Variants in SMARCB1 observed in about 807,000 individuals in gnomAD.
SMARCB1 encodes the protein SWI/SNF related BAF chromatin remodeling complex subunit B1.
A neutral mutation model predicts 49.0 loss-of-function variants in SMARCB1; 5 were observed. That is an observed-to-expected ratio of 0.10 (90% CI 0.05 to 0.21). SMARCB1 has a LOEUF of 0.21. Among genes scored for constraint, SMARCB1 ranks in the 10% least tolerant of loss-of-function variants. The pLI is 1.00. For missense variants in SMARCB1, 226 were observed against 509.2 expected (o/e 0.44, Z 5.35); for synonymous variants, 201 against 200.1 (o/e 1.00, Z -0.04).
At chr22:23,820,377 C>G (rs1033807614) in intron 6 of SMARCB1, among the ~76,000 whole-genome samples, 9 of 152,162 alleles carry the variant, frequency 5.9e-5, no homozygotes, top group Non-Finnish European at 1.0e-4. Context: ...GAGTTAGAGA[C>G]TACCTGACCA....
intron 3 of SMARCB1, among the ~76,000 whole-genome samples, chr22:23,799,046 T>C (rs1399546824): frequency 7.2e-6 from 1 of 138,990 alleles, no homozygotes; most frequent in African/African-American, 2.7e-5. Flanking sequence ...CGAGACTCCA[T>C]CTCAAAAAAA....
rs1020086224 is a variant in SMARCB1, at chr22:23,835,900, A to G, written c.*1720A>G. The G allele has an allele frequency of 4.1e-6, 4 of 985,394 alleles. No homozygotes were observed. Among genetic ancestry groups the G allele is most frequent in the Admixed American group, 1.2e-4 (2 of 16,274 alleles). The allele number at this position is 985,394 out of a possible 1,614,324, so 61.0% of individuals were successfully genotyped here. A position where few individuals can be genotyped will look rare whatever the true frequency, so the allele number is the denominator to read the frequency against. ...CGCCAGCTCACACCGCCGCAAAGCC[A>G]TCTCCACAAGGTCTGGCTACAACAC... On this transcript the variant is annotated 3_prime_UTR_variant, in exon 9 of 9. Transcript: ENST00000644036.
chr22:23,816,756 T>G lies in SMARCB1; in HGVS notation c.629-14T>G. The G allele has an allele frequency of 6.2e-7, 1 of 1,612,320 alleles. No individual in the cohort carries two copies. The highest frequency in any genetic ancestry group is 8.5e-7 in the Non-Finnish European group (1 of 1,179,144). ...GTGCAATCTCTTGGCATCCCTTCCCTCTCCTGATTTCAGAGAAGTTGATGA... is the reference window on the plus strand; with the variant it reads ...GTGCAATCTCTTGGCATCCCTTCCCGCTCCTGATTTCAGAGAAGTTGATGA... On this transcript the variant is annotated splice_polypyrimidine_tract_variant and intron_variant, in intron 5 of 8. Transcript: ENST00000644036.
intron 5 of SMARCB1, among the ~76,000 whole-genome samples, chr22:23,812,575 A>G (rs1279033305): frequency 6.6e-6 from 1 of 152,232 alleles, no homozygotes; most frequent in African/African-American, 2.4e-5. Flanking sequence ...CAAAATCCTT[A>G]GCAAAATATT....
In SMARCB1 at chr22:23,837,497, A is replaced by G; in HGVS notation, c.*3317A>G. The stretch of plus-strand genomic sequence containing the variant: ...CAAATTATGTGGGCCGGCTGGCTTG[A>G]GGGGCTGTAAGAGCACAGCAGCTGG... On this transcript the variant is annotated 3_prime_UTR_variant, in exon 9 of 9. Transcript: ENST00000644036. The G allele has an allele frequency of 1.3e-6, 1 of 759,692 alleles. No individual in the cohort carries two copies. Among genetic ancestry groups the G allele is most frequent in the Non-Finnish European group, 2.1e-6 (1 of 476,268 alleles). The allele number at this position is 759,692 out of a possible 1,614,324, so 47.1% of individuals were successfully genotyped here.
chr22:23,829,412 C>G (rs1189858910), intron 7 of SMARCB1, among the ~76,000 whole-genome samples: 1 of 152,194 alleles, frequency 6.6e-6, no homozygotes, highest in African/African-American at 2.4e-5. Flanking sequence ...GGCAGGGTAT[C>G]TGCCCCAGGG....
Position 23,825,827 on chromosome 22 carries a change from A to C in SMARCB1, c.986+412A>C, listed in dbSNP as rs192195678. 6 of 192,558 alleles carry C rather than the reference A, an allele frequency of 3.1e-5. No homozygotes were observed. In the East Asian group the frequency reaches 7.6e-4, roughly 25 times the overall value. The allele number at this position is 192,558 out of a possible 1,614,324, so 11.9% of individuals were successfully genotyped here. On this transcript the variant is annotated intron_variant, in intron 7 of 8. Transcript: ENST00000644036. ...GTTGAACTTGAATTATGTCTTAAAC[A>C]CAAAGGCCCGCCCAGCTTTTGAGAG... is the stretch of plus-strand genomic sequence containing the variant.
intron 6 of SMARCB1, 56 bp from the exon 7 acceptor site, chr22:23,825,169 C>T (rs573456379): frequency 5.9e-6 from 9 of 1,522,276 alleles, no homozygotes; most frequent in South Asian, 3.4e-5. Context: ...CCCCGCTCCT[C>T]GCGGCCTCCC....
intron 5 of SMARCB1, among the ~76,000 whole-genome samples, chr22:23,808,477 C>T (rs1272111483): frequency 1.3e-5 from 2 of 151,790 alleles, no homozygotes; most frequent in African/African-American, 2.4e-5. Flanking sequence ...AGGATGGTCT[C>T]GATCTCCTGA....
chr22:23,809,890 G>A (rs1929757115), intron 5 of SMARCB1, among the ~76,000 whole-genome samples: 1 of 152,114 alleles, frequency 6.6e-6, no homozygotes, highest in South Asian at 2.1e-4. Flanking sequence ...AAAACTAAGT[G>A]CTGGGCGGGG....
chr22:23,812,328 A>G (rs530444673), intron 5 of SMARCB1, among the ~76,000 whole-genome samples: 3 of 152,150 alleles, frequency 2.0e-5, no homozygotes, highest in Non-Finnish European at 4.4e-5. Flanking sequence ...TTAAAAAAGG[A>G]AAACAATTCT....
intron 8 of SMARCB1, 47 bp downstream of exon 8, chr22:23,833,750 T>C: frequency 6.2e-7 from 1 of 1,610,460 alleles, no homozygotes; most frequent in East Asian, 2.2e-5. Context: ...GGCACCTGGC[T>C]TTCCAGGCAG....
In SMARCB1 at chr22:23,809,320, A is replaced by G. The variant is rs1407810929; in HGVS notation, c.628+5898A>G. Among the ~76,000 whole-genome samples the G allele has an allele frequency of 8.4e-5, 12 of 142,076 alleles. No individual in the cohort carries two copies. In the East Asian group the frequency reaches 1.0e-3, roughly 12 times the overall value. The allele number at this position is 142,076 out of a possible 152,430, so 93.2% of individuals were successfully genotyped here. A position where few individuals can be genotyped will look rare whatever the true frequency, so the allele number is the denominator to read the frequency against. ...GACGGAGTTTCTGCTCTTGTTGCCCAGGCTGGAGTGCAATGGCACAGTCTC... is the reference window on the plus strand; with the variant it reads ...GACGGAGTTTCTGCTCTTGTTGCCCGGGCTGGAGTGCAATGGCACAGTCTC... On this transcript the variant is annotated intron_variant, in intron 5 of 8. Coordinates refer to ENST00000644036, the MANE Select transcript of SMARCB1 (RefSeq NM_003073.5).
Position 23,834,395 on chromosome 22 carries a change from C to CCCCCT in SMARCB1, c.*215_*216insCCCCT. On this transcript the variant is annotated 3_prime_UTR_variant, in exon 9 of 9. Transcript: ENST00000644036. ...CCACCCCACCCTCCCTACCCCTCCCCAGTCTCTGGGGTCAGGAAGAAACCT... is the reference window on the plus strand; with the variant it reads ...CCACCCCACCCTCCCTACCCCTCCCCCCCCTAGTCTCTGGGGTCAGGAAGAAACCT... The CCCCCT allele has an allele frequency of 1.4e-6, 1 of 703,250 alleles. No homozygotes were observed. Among genetic ancestry groups the CCCCCT allele is most frequent in the Non-Finnish European group, 2.6e-6 (1 of 387,508 alleles). 43.6% of individuals were successfully genotyped at this position (703,250 alleles called of 1,614,324 possible).
In SMARCB1 at chr22:23,787,079, T is replaced by A; in HGVS notation, c.-91T>A. 1.2e-6 allele frequency: 1 copy of A among 834,534 alleles called. No individual in the cohort carries two copies. Among genetic ancestry groups the A allele is most frequent in the Non-Finnish European group, 2.0e-6 (1 of 504,010 alleles). The allele number at this position is 834,534 out of a possible 1,614,324, so 51.7% of individuals were successfully genotyped here. A position where few individuals can be genotyped will look rare whatever the true frequency, so the allele number is the denominator to read the frequency against. On this transcript the variant is annotated 5_prime_UTR_variant, in exon 1 of 9. Transcript: ENST00000644036. ...CCGGTCCGCATTTCGCCTTCCGGCTTCGGTTTCCCTCGGCCCAGCACGCCC... is the reference window on the plus strand; with the variant it reads ...CCGGTCCGCATTTCGCCTTCCGGCTACGGTTTCCCTCGGCCCAGCACGCCC...
At position 23,787,233 on chromosome 22, in the gene SMARCB1, G is replaced by A. The variant is rs1417899723; in HGVS notation, c.64G>A (p.Asp22Asn). ...GCCCGTGAAGTTCCAGCTGGAGGAC[G>A]ACGGCGAGTTCTACATGATCGGCTC... ...QKPVKFQLED[D>N]GEFYMIGSEV... Residue 22 changes from aspartate (D) to asparagine (N), a missense_variant, in exon 1 of 9, where the codon GAC becomes AAC. Asp to Asn is a conservative substitution (Grantham distance 23). Coordinates refer to ENST00000644036, the MANE Select transcript of SMARCB1 (RefSeq NM_003073.5). 5.0e-6 allele frequency: 8 copies of A among 1,606,916 alleles called. No individual in the cohort carries two copies. The highest frequency in any genetic ancestry group is 6.8e-6 in the Non-Finnish European group (8 of 1,175,876).
At chr22:23,802,137 C>T (rs1929193663) in intron 4 of SMARCB1, 1 of 153,362 alleles carries the variant, frequency 6.5e-6, no homozygotes, top group Admixed American at 6.5e-5. Flanking sequence ...GGCCTCTGCT[C>T]CAGGCAGATC....
rs757825964 is a variant in SMARCB1 at position 23,837,030 on chromosome 22, G to A, written c.*2850G>A. 1 of 1,613,176 alleles carries A rather than the reference G, an allele frequency of 6.2e-7. No individual in the cohort carries two copies. Among genetic ancestry groups the A allele is most frequent in the Non-Finnish European group, 8.5e-7 (1 of 1,179,570 alleles). On this transcript the variant is annotated 3_prime_UTR_variant, in exon 9 of 9. Coordinates refer to ENST00000644036, the MANE Select transcript of SMARCB1 (RefSeq NM_003073.5). ...CCCATCGGTGGGGATCCTTCTGAGG[G>A]TGGGGAGAGGGAGGGAGGGCTCTCA...
chr22:23,834,550 T>C lies in SMARCB1; in HGVS notation c.*370T>C. ...GTTCAATTTCTTCAAAGTTTTAACA[T>C]AAAAATAATGAGAGCCAGGAGTGGG... On this transcript the variant is annotated 3_prime_UTR_variant, in exon 9 of 9. Transcript: ENST00000644036. 2 of 699,978 alleles carry C rather than the reference T, an allele frequency of 2.9e-6. No individual in the cohort carries two copies. Among genetic ancestry groups the C allele is most frequent in the Non-Finnish European group, 2.6e-6 (1 of 384,718 alleles). The allele number at this position is 699,978 out of a possible 1,614,324, so 43.4% of individuals were successfully genotyped here.
Sources: allele counts gnomAD v4.1 joint callset (sites outside exome capture counted in the v4.1 genomes callset), GRCh38; gene constraint gnomAD v4.1.1; transcripts MANE v1.5; gene names NCBI Gene and HGNC (gene_info 2026-07-23, HGNC 2026-07-21).